Variants in RBL2 observed in about 807,000 individuals in gnomAD.
RBL2 encodes the protein RB transcriptional corepressor like 2.
In RBL2, 56 loss-of-function variants were observed where a neutral mutation model predicts 126.0. The ratio of observed to expected loss-of-function variants is 0.44; its 90% CI spans 0.36 to 0.56. The LOEUF is 0.56. Among genes scored for constraint, RBL2 ranks in the 20% least tolerant of loss-of-function variants. RBL2 has a pLI of 0.00. For missense variants in RBL2, 1,229 were observed against 1,398.2 expected (o/e 0.88, Z 1.93); for synonymous variants, 454 against 478.5 (o/e 0.95, Z 0.67).
At chr16:53,456,186 GAAA>G (rs111847363) in intron 8 of RBL2, among the ~76,000 whole-genome samples, 1 of 151,210 alleles carries the variant, frequency 6.6e-6, no homozygotes, top group East Asian at 1.9e-4. Context: ...TAAAAAAAAA[GAAA>G]AGAAGAAGAA....
At chr16:53,446,986 AT>A in intron 3 of RBL2, 55 bp from the exon 4 acceptor site, 66 of 1,035,048 alleles carry the variant, frequency 6.4e-5, no homozygotes, top group South Asian at 1.9e-4. Context: ...ATCATTTGGG[AT>A]TTTTTTTTCT....
chr16:53,467,297 T>C, intron 14 of RBL2, 128 bp downstream of exon 14: 1 of 707,880 alleles, frequency 1.4e-6, no homozygotes, highest in Non-Finnish European at 2.3e-6. Context: ...TTGTACCACA[T>C]GGATCACTTA....
rs994315759 is a variant in RBL2, at chr16:53,464,305, C to A, written c.1640C>A (p.Pro547His). 5 of 1,594,196 alleles carry A rather than the reference C, an allele frequency of 3.1e-6. No individual in the cohort carries two copies. In the African/African-American group the frequency reaches 6.7e-5, roughly 21 times the overall value. ...GTCGTCACTTTTTCTTATAAGCCTC[C>A]TGGGAATTTTCCATTTATTACTGAA... ...LEVVTFSYKP[P>H]GNFPFITEIF... The change falls in exon 12 of 22, where the codon CCT becomes CAT. Residue 547 changes from proline (P) to histidine (H), a missense_variant. By Grantham distance (77) the Pro-to-His change is moderately conservative (BLOSUM62 -2). This residue lies in a region of RBL2 where 1,070 missense variants were observed against 1,274.3 expected (regional missense o/e 0.84). Coordinates refer to ENST00000262133, the MANE Select transcript of RBL2 (RefSeq NM_005611.4).
At chr16:53,439,350 A>G (rs1036389549) in intron 2 of RBL2, among the ~76,000 whole-genome samples, 1 of 152,116 alleles carries the variant, frequency 6.6e-6, no homozygotes, top group Non-Finnish European at 1.5e-5. Context: ...TTTGGTGAAA[A>G]TATTTAAATT....
chr16:53,466,892 C>G (rs2058277778), intron 13 of RBL2, 166 bp from the exon 14 acceptor site: 1 of 566,042 alleles, frequency 1.8e-6, no homozygotes, highest in East Asian at 3.4e-5. Flanking sequence ...AATTTTTTGA[C>G]TGCCAAAAGT....
chr16:53,449,882 A>G lies in RBL2; in HGVS notation c.638-1821A>G, dbSNP rs148569762. Among the ~76,000 whole-genome samples the G allele has an allele frequency of 4.4e-3, 671 of 151,638 alleles. 2 individuals carry two copies. The highest frequency in any genetic ancestry group is 0.016 in the African/African-American group (651 of 41,412). On this transcript the variant is annotated intron_variant, in intron 4 of 21. Coordinates refer to ENST00000262133, the MANE Select transcript of RBL2 (RefSeq NM_005611.4). ...AATAGAAAATACGTCATGTTGAGAG[A>G]GTCCTAGAATTTAATTTAAATTAGA...
chr16:53,480,890 G>C (rs907817129), intron 20 of RBL2, 121 bp downstream of exon 20: 1 of 937,878 alleles, frequency 1.1e-6, no homozygotes, highest in Admixed American at 2.3e-5. Context: ...CAGGTGTGGT[G>C]GCTCACACCT....
intron 9 of RBL2, among the ~76,000 whole-genome samples, chr16:53,460,661 C>G (rs372542091): frequency 6.6e-6 from 1 of 152,062 alleles, no homozygotes; most frequent in South Asian, 2.1e-4. Flanking sequence ...CCAGTAAATA[C>G]TAGGTAAAAT....
intron 17 of RBL2, among the ~76,000 whole-genome samples, chr16:53,477,868 G>A (rs1960792721): frequency 6.6e-6 from 1 of 151,968 alleles, no homozygotes; most frequent in Non-Finnish European, 1.5e-5. Context: ...CTGTATTTAC[G>A]ATTACATAAT....
At chr16:53,477,122 A>G (rs909750849) in intron 17 of RBL2, among the ~76,000 whole-genome samples, 14 of 152,022 alleles carry the variant, frequency 9.2e-5, no homozygotes, top group Non-Finnish European at 1.6e-4. Context: ...TCTTATCAAA[A>G]ATCAGCTTCA....
intron 13 of RBL2, among the ~76,000 whole-genome samples, chr16:53,466,347 T>C (rs78659049): frequency 1.3e-5 from 2 of 151,890 alleles, no homozygotes; most frequent in Non-Finnish European, 2.9e-5. Flanking sequence ...ATGGACAGGG[T>C]TGGGGGTTGG....
intron 8 of RBL2, among the ~76,000 whole-genome samples, chr16:53,456,176 T>TA (rs1203511353): frequency 1.0e-4 from 11 of 108,622 alleles, no homozygotes; most frequent in African/African-American, 5.3e-4. Flanking sequence ...AGCCTGTCTT[T>TA]AAAAAAAAAG....
At position 53,484,828 on chromosome 16, in the gene RBL2, T is replaced by A. The variant is rs114723143; in HGVS notation, c.3249+2993T>A. 6.7e-3 allele frequency among the ~76,000 whole-genome samples: 1,022 copies of A among 152,246 alleles called. 12 individuals are homozygous for A. Among genetic ancestry groups the A allele is most frequent in the African/African-American group, 0.021 (888 of 41,542 alleles). Reference sequence around the variant, plus strand: ...CTTCAAATGGTTGAATAATACGGTATAAGAATTATATCTCAATAAAGCTGG... The same window carrying A: ...CTTCAAATGGTTGAATAATACGGTAAAAGAATTATATCTCAATAAAGCTGG... On this transcript the variant is annotated intron_variant, in intron 21 of 21. Coordinates refer to ENST00000262133, the MANE Select transcript of RBL2 (RefSeq NM_005611.4).
At chr16:53,454,407 A>T (rs1598101084) in intron 7 of RBL2, 3 of 417,492 alleles carry the variant, frequency 7.2e-6, no homozygotes, top group South Asian at 6.3e-5. Flanking sequence ...GTTTCACCAT[A>T]TTGGCCAGGC....
chr16:53,442,662 A>G lies in RBL2; in HGVS notation c.376A>G (p.Ile126Val). Residue 126 changes from isoleucine to valine, a missense_variant, in exon 3 of 22, where the codon ATC (isoleucine) becomes GTC (valine). Ile to Val is a conservative substitution (Grantham distance 29, BLOSUM62 3). Transcript: ENST00000262133. ...CTTGTTTGTCTTTAATACCAGCTTA[A>G]TCGAATTTTTTAATAAGATGAAGAA... ...RILKCSEQSL[I>V]EFFNKMKKWE... The G allele has an allele frequency of 6.2e-7, 1 of 1,610,628 alleles. No individual in the cohort carries two copies. Among genetic ancestry groups the G allele is most frequent in the East Asian group, 2.2e-5 (1 of 44,836 alleles).
In RBL2 at chr16:53,480,024, A is replaced by T. The variant is rs183638564; in HGVS notation, c.2881+33A>T. 377 of 1,434,636 alleles carry T rather than the reference A, an allele frequency of 2.6e-4. 2 individuals are homozygous for T. In the African/African-American group the frequency reaches 4.7e-3, roughly 18 times the overall value. The allele number at this position is 1,434,636 out of a possible 1,614,324, so 88.9% of individuals were successfully genotyped here. On this transcript the variant is annotated intron_variant, in intron 19 of 21. Coordinates refer to ENST00000262133, the MANE Select transcript of RBL2 (RefSeq NM_005611.4). ...GGATCTTTGTGAACTACAAGACAAA[A>T]TTAGGAGCTTTTCTTACTTTTTAGG...
At chr16:53,445,294 TC>T (rs1396643808) in intron 3 of RBL2, among the ~76,000 whole-genome samples, 1 of 147,550 alleles carries the variant, frequency 6.8e-6, no homozygotes, top group African/African-American at 2.5e-5. Context: ...ACCACTGTAC[TC>T]CAGTTTGGGT....
At chr16:53,480,808 A>G (rs541329355) in intron 20 of RBL2, 39 bp downstream of exon 20, 3 of 1,565,238 alleles carry the variant, frequency 1.9e-6, no homozygotes, top group African/African-American at 1.4e-5. Flanking sequence ...TTTTTCACTC[A>G]TGAGTGTTGA....
At chr16:53,456,171 G>A (rs901434701) in intron 8 of RBL2, among the ~76,000 whole-genome samples, 1 of 132,654 alleles carries the variant, frequency 7.5e-6, no homozygotes, top group African/African-American at 3.3e-5. Context: ...GCAAGAGCCT[G>A]TCTTTAAAAA....
Sources: allele counts gnomAD v4.1 joint callset (sites outside exome capture counted in the v4.1 genomes callset), GRCh38; gene constraint gnomAD v4.1.1; regional missense constraint gnomAD v4.1.1; transcripts MANE v1.5; gene names NCBI Gene and HGNC (gene_info 2026-07-23, HGNC 2026-07-21).